Variants in AGMO observed in about 807,000 individuals in gnomAD.
AGMO encodes glyceryl-ether monooxygenase.
Under a neutral mutation model 60.2 loss-of-function variants are expected in AGMO, and 75 were observed. The ratio of observed to expected loss-of-function variants is 1.25; its 90% confidence interval spans 1.03 to 1.51. The LOEUF is 1.51. AGMO is among the 40% of genes most tolerant of loss of function. AGMO has a pLI of 0.00. For missense variants in AGMO, 763 were observed against 525.5 expected, an observed-to-expected ratio of 1.45 and a Z score of -4.42; for synonymous variants, 261 against 177.1, an observed-to-expected ratio of 1.47 and a Z score of -3.76.
chr7:15,388,691 C>T (rs959984983), intron 8 of AGMO, among the ~76,000 whole-genome samples: 2 of 152,128 alleles, frequency 1.3e-5, no homozygotes, highest in African/African-American at 2.4e-5. Flanking sequence ...AAACAAAACC[C>T]TGTGTCTGTT....
the AGMO span, among the ~76,000 whole-genome samples, chr7:15,181,489 TTCTA>T: frequency 6.6e-6 from 1 of 152,202 alleles, no homozygotes; most frequent in African/African-American, 2.4e-5. Flanking sequence ...TCCAAAAAGC[TTCTA>T]TCTTTCTAAT....
chr7:15,225,985 G>C (rs1782070490), intron 12 of AGMO, among the ~76,000 whole-genome samples: 1 of 151,894 alleles, frequency 6.6e-6, no homozygotes, highest in African/African-American at 2.4e-5. Flanking sequence ...AAAAATAAAA[G>C]AGATAAATCA....
chr7:15,142,136 G>A, the AGMO span, among the ~76,000 whole-genome samples: 6 of 152,016 alleles, frequency 3.9e-5, no homozygotes, highest in Non-Finnish European at 7.4e-5. Context: ...TATTCACACC[G>A]CATTTTGCTA....
chr7:15,188,829 T>C, the AGMO span, among the ~76,000 whole-genome samples: 26,368 of 152,080 alleles, frequency 0.17, 2,623 homozygotes, highest in East Asian at 0.51. Context: ...GAACTGATCG[T>C]TGGAGTTAAC....
rs951573166 is a variant in AGMO, at chr7:15,431,170, G to T, written c.410-62C>A. ...AAGAACAAAGCAACTTCCATTTTCA[G>T]TTATGCATGCTGCTCTGTTGAGTGA... On this transcript the variant is annotated intron_variant, in intron 3 of 12. Transcript: ENST00000342526. 25 of 1,149,152 alleles carry T rather than the reference G, an allele frequency of 2.2e-5. No homozygotes were observed. In the African/African-American group the frequency reaches 3.7e-4, roughly 17 times the overall value. The allele number at this position is 1,149,152 out of a possible 1,614,324, so 71.2% of individuals were successfully genotyped here. A position where few individuals can be genotyped will look rare whatever the true frequency, so the allele number is the denominator to read the frequency against.
At chr7:15,445,574 A>G (rs1781679377) in intron 3 of AGMO, among the ~76,000 whole-genome samples, 2 of 152,160 alleles carry the variant, frequency 1.3e-5, no homozygotes. Context: ...TTAATCCTTA[A>G]TTGAAGATAT....
Position 15,559,276 on chromosome 7 carries a change from T to A in AGMO, c.257+865A>T, listed in dbSNP as rs533997557. On this transcript the variant is annotated intron_variant, in intron 2 of 12. Coordinates refer to ENST00000342526, the MANE Select transcript of AGMO (RefSeq NM_001004320.2). ...GAACATACACCTCTTGCTCTCAAGT[T>A]GTGTGCAAGCTAGCAGGAAGGGCTG... Among the ~76,000 whole-genome samples, 3 of 152,180 alleles carry A rather than the reference T, an allele frequency of 2.0e-5. No homozygotes were observed. In the East Asian group the frequency reaches 5.8e-4, roughly 29 times the overall value.
downstream of AGMO, among the ~76,000 whole-genome samples, chr7:15,199,870 T>C (rs2115462066): frequency 6.6e-6 from 1 of 152,338 alleles, no homozygotes; most frequent in Non-Finnish European, 1.5e-5. Flanking sequence ...TTTTTCATCA[T>C]GCAAAATTTA....
chr7:15,135,468 T>C, the AGMO span, among the ~76,000 whole-genome samples: 17 of 152,230 alleles, frequency 1.1e-4, no homozygotes, highest in African/African-American at 3.9e-4. Flanking sequence ...ACTTTATGAG[T>C]TTGTCTTCAA....
chr7:15,162,073 C>T, the AGMO span, among the ~76,000 whole-genome samples: 139,546 of 151,984 alleles, frequency 0.92, 64,211 homozygotes, highest in East Asian at 0.98. Context: ...GAGTGAGTTA[C>T]CTTGAGATCT....
At chr7:15,502,250 C>G (rs1030921198) in intron 3 of AGMO, among the ~76,000 whole-genome samples, 8 of 151,984 alleles carry the variant, frequency 5.3e-5, no homozygotes, top group Non-Finnish European at 1.0e-4. Flanking sequence ...TAGAGGAGAT[C>G]AACTGAGTCC....
chr7:15,478,591 A>T (rs1782659591), intron 3 of AGMO, among the ~76,000 whole-genome samples: 1 of 152,170 alleles, frequency 6.6e-6, no homozygotes, highest in South Asian at 2.1e-4. Flanking sequence ...TCATTAGCAC[A>T]GTCAATGGGG....
intron 12 of AGMO, among the ~76,000 whole-genome samples, chr7:15,238,042 TC>T (rs2128501810): frequency 6.6e-6 from 1 of 152,128 alleles, no homozygotes; most frequent in East Asian, 1.9e-4. Context: ...GACCAGCCTC[TC>T]CCTTAATGAC....
At chr7:15,321,895 G>A (rs917745383) in intron 12 of AGMO, among the ~76,000 whole-genome samples, 2 of 152,086 alleles carry the variant, frequency 1.3e-5, no homozygotes, top group African/African-American at 4.8e-5. Flanking sequence ...TAAATCTTGA[G>A]ATATAATAAT....
intron 3 of AGMO, among the ~76,000 whole-genome samples, chr7:15,519,609 G>C (rs990292136): frequency 3.9e-5 from 6 of 152,116 alleles, no homozygotes; most frequent in African/African-American, 1.2e-4. Context: ...CAAATGCTGA[G>C]GGATTTTGTC....
At chr7:15,329,459 C>T (rs115150209) in intron 12 of AGMO, among the ~76,000 whole-genome samples, 7,141 of 152,226 alleles carry the variant, frequency 0.047, 245 homozygotes, top group African/African-American at 0.089. Context: ...ATTGTCTATC[C>T]TTGTGTGGCC....
chr7:15,228,801 T>C (rs1782165177), intron 12 of AGMO, among the ~76,000 whole-genome samples: 1 of 152,124 alleles, frequency 6.6e-6, no homozygotes, highest in African/African-American at 2.4e-5. Flanking sequence ...CTGTAGGCAT[T>C]CTCATCCAGG....
chr7:15,464,477 C>G (rs537137366), intron 3 of AGMO, among the ~76,000 whole-genome samples: 1 of 152,120 alleles, frequency 6.6e-6, no homozygotes, highest in East Asian at 1.9e-4. Flanking sequence ...ACAAGTAAGT[C>G]GTACCAATGT....
chr7:15,181,684 C>T, the AGMO span, among the ~76,000 whole-genome samples: 79 of 152,022 alleles, frequency 5.2e-4, no homozygotes, highest in East Asian at 1.9e-3. Context: ...TTCACTATAA[C>T]GGAAAAATTC....
Sources: gnomAD v4.1 joint callset for allele counts (sites outside exome capture counted in the v4.1 genomes callset) on GRCh38, gnomAD v4.1.1 for gene constraint, MANE v1.5 for transcripts, NCBI Gene and HGNC (gene_info 2026-07-23, HGNC 2026-07-21) for gene names.